The following ACAD10 variants were observed in gnomAD, a reference collection of about 807,000 sequenced individuals.
ACAD10 encodes the protein ACAD-10.
A neutral mutation model predicts 116.8 loss-of-function variants in ACAD10; 112 were observed. That is an observed-to-expected ratio of 0.96 (90% CI 0.82 to 1.12). The LOEUF is 1.12. ACAD10 is among the 50% of genes most tolerant of loss of function. The probability of loss-of-function intolerance (pLI) is 0.00; values close to 1 mark genes in which losing one functional copy is unlikely to be tolerated. For synonymous variants in ACAD10, 486 were observed against 510.6 expected (o/e 0.95, Z 0.65); for missense variants, 1,259 against 1,350.2 (o/e 0.93, Z 1.06).
chr12:111,727,334 C>T (rs1889243561), intron 8 of ACAD10, among the ~76,000 whole-genome samples: 2 of 152,108 alleles, frequency 1.3e-5, no homozygotes, highest in South Asian at 4.1e-4. Flanking sequence ...ACCATCCTGG[C>T]TAACACGGTG....
At position 111,744,754 on chromosome 12, in the gene ACAD10, C is replaced by T. The variant is rs747518634; in HGVS notation, c.1826C>T (p.Pro609Leu). ...GGGTTCCGGGTTTTCAAAGAGATGC[C>T]CTTCACAAATCCGTTAACAAGGTCC... ...KEGFRVFKEM[P>L]FTNPLTRSYH... is the part of the protein sequence containing the mutation. Residue 609 changes from proline to leucine, a missense_variant, in exon 13 of 21, where the codon CCC becomes CTC. By Grantham distance (98) the Pro-to-Leu change is moderately conservative. Coordinates refer to ENST00000313698, the MANE Select transcript of ACAD10 (RefSeq NM_025247.6). The T allele has an allele frequency of 1.9e-6, 3 of 1,614,184 alleles. No individual in the cohort carries two copies. In the South Asian group the frequency reaches 3.3e-5, roughly 18 times the overall value.
intron 12 of ACAD10, among the ~76,000 whole-genome samples, chr12:111,743,364 A>G (rs1053035149): frequency 1.6e-4 from 24 of 150,162 alleles, no homozygotes; most frequent in Non-Finnish European, 2.4e-4. Context: ...TGATGGAAAT[A>G]TTCTGTTTTT....
chr12:111,715,922 A>AC lies in ACAD10; in HGVS notation c.953dup (p.Leu319ThrfsTer27). ...AGTTCTGAGGAAGAAGCCCCCAGGGACACTCCTTCCATCTGCCCATGCCAT... is the reference window on the plus strand; with the variant it reads ...AGTTCTGAGGAAGAAGCCCCCAGGGACCACTCCTTCCATCTGCCCATGCCAT... On this transcript the variant is annotated frameshift_variant, in exon 7 of 21. Coordinates refer to ENST00000313698, the MANE Select transcript of ACAD10 (RefSeq NM_025247.6). LOFTEE classifies it high-confidence loss of function. 6.2e-7 allele frequency: 1 copy of AC among 1,614,052 alleles called. No individual in the cohort carries two copies. The highest frequency in any genetic ancestry group is 8.5e-7 in the Non-Finnish European group (1 of 1,179,976).
At position 111,749,221 on chromosome 12, in the gene ACAD10, A is replaced by G. The variant is rs138044386; in HGVS notation, c.2693A>G (p.Asn898Ser). Residue 898 changes from asparagine to serine, a missense_variant, in exon 18 of 21, where the codon AAC becomes AGC. Transcript: ENST00000313698. The part of the protein sequence containing the change: ...RFEHVRVPKE[N>S]MVLGPGRGFE... Reference sequence around the variant, plus strand: ...GAGCACGTGCGTGTGCCCAAAGAGAACATGGTCCTGGGCCCTGGCCGAGGC... The same window carrying G: ...GAGCACGTGCGTGTGCCCAAAGAGAGCATGGTCCTGGGCCCTGGCCGAGGC... 4.2e-5 allele frequency: 67 copies of G among 1,614,068 alleles called. 1 individual carries two copies. The African/African-American group carries it at 7.9e-4, about 19-fold the overall frequency.
rs1446292592 is a variant in ACAD10 at position 111,756,950 on chromosome 12, C to T, written c.*477C>T. 12 of 446,574 alleles carry T rather than the reference C, an allele frequency of 2.7e-5. No homozygotes were observed. The highest frequency in any genetic ancestry group is 1.5e-4 in the Admixed American group (6 of 40,742). 27.7% of individuals were successfully genotyped at this position (446,574 alleles called of 1,614,324 possible). ...GTGGCCTAGAGACCCAGGACCTGGG[C>T]GCCTGGGAAAATGGAATGCAACCCA... On this transcript the variant is annotated 3_prime_UTR_variant, in exon 21 of 21. Coordinates refer to ENST00000313698, the MANE Select transcript of ACAD10 (RefSeq NM_025247.6).
chr12:111,690,077 A>AG, intron 1 of ACAD10, among the ~76,000 whole-genome samples: 1 of 152,322 alleles, frequency 6.6e-6, no homozygotes, highest in South Asian at 2.1e-4. Context: ...ACAAATACAG[A>AG]GGGCTGACTA....
chr12:111,695,517 C>T (rs1476623392), intron 2 of ACAD10, among the ~76,000 whole-genome samples: 1 of 151,972 alleles, frequency 6.6e-6, no homozygotes, highest in Non-Finnish European at 1.5e-5. Context: ...CTATGGGGCT[C>T]TTGGATTCCA....
At chr12:111,723,314 G>C (rs1415972829) in intron 8 of ACAD10, among the ~76,000 whole-genome samples, 25 of 132,630 alleles carry the variant, frequency 1.9e-4, no homozygotes, top group African/African-American at 4.0e-4. Context: ...CTGGCCGGGC[G>C]GGGGGGCTGA....
intron 18 of ACAD10, among the ~76,000 whole-genome samples, chr12:111,751,140 T>C (rs1341694061): frequency 6.6e-6 from 1 of 152,182 alleles, no homozygotes; most frequent in East Asian, 1.9e-4. Flanking sequence ...AAAGATTTGC[T>C]ACAAGGAGGT....
chr12:111,706,767 T>C lies in ACAD10; in HGVS notation c.531+835T>C, dbSNP rs962600273. ...TGCCTGGCCTATTTATTTTTTTATA[T>C]ATATATATATATATATTTTTTTTTT... On this transcript the variant is annotated intron_variant, in intron 4 of 20. Transcript: ENST00000313698. Among the ~76,000 whole-genome samples, 12 of 120,940 alleles carry C rather than the reference T, an allele frequency of 9.9e-5. No homozygotes were observed. In the East Asian group the frequency reaches 7.8e-3, roughly 78 times the overall value. The allele number at this position is 120,940 out of a possible 152,430, so 79.3% of individuals were successfully genotyped here. A position where few individuals can be genotyped will look rare whatever the true frequency, so the allele number is the denominator to read the frequency against.
At chr12:111,742,242 G>T (rs1183808713) in intron 12 of ACAD10, among the ~76,000 whole-genome samples, 1 of 152,110 alleles carries the variant, frequency 6.6e-6, no homozygotes, top group East Asian at 1.9e-4. Context: ...AGAAAATTAA[G>T]AATACACCTC....
In ACAD10 at chr12:111,715,821, G is replaced by A. The variant is rs376407610; in HGVS notation, c.851G>A (p.Gly284Asp). 1.9e-6 allele frequency: 3 copies of A among 1,614,044 alleles called. No individual in the cohort carries two copies. Among genetic ancestry groups the A allele is most frequent in the Non-Finnish European group, 2.5e-6 (3 of 1,180,022 alleles). The change falls in exon 7 of 21, where the codon GGC becomes GAC. Residue 284 changes from glycine to aspartate, a missense_variant and splice_region_variant. By Grantham distance (94) the Gly-to-Asp change is moderately conservative. Coordinates refer to ENST00000313698, the MANE Select transcript of ACAD10 (RefSeq NM_025247.6). ...GTTTTCTTTGTTTTCAAACTTGCAG[G>A]CCCATTGGAACTACTTCAGTTTGAT... ...LKDLLGIQTT[G>D]PLELLQFDHG...
intron 12 of ACAD10, among the ~76,000 whole-genome samples, chr12:111,738,825 C>T (rs1356275615): frequency 1.3e-5 from 2 of 152,068 alleles, no homozygotes; most frequent in South Asian, 2.1e-4. Context: ...GAGCTGAGAT[C>T]GCGCCTGTGC....
intron 3 of ACAD10, among the ~76,000 whole-genome samples, chr12:111,703,781 T>C (rs560862807): frequency 4.0e-5 from 6 of 151,878 alleles, no homozygotes; most frequent in Non-Finnish European, 8.8e-5. Flanking sequence ...GAGGTTACAG[T>C]GAGCCAGGAT....
intron 7 of ACAD10, among the ~76,000 whole-genome samples, chr12:111,720,688 C>T (rs777632467): frequency 1.2e-4 from 18 of 152,058 alleles, no homozygotes; most frequent in Non-Finnish European, 1.9e-4. Flanking sequence ...ATATATTCAG[C>T]GCATATCTCT....
intron 1 of ACAD10, among the ~76,000 whole-genome samples, chr12:111,689,750 CTG>C (rs1491522339): frequency 2.0e-5 from 3 of 150,488 alleles, no homozygotes; most frequent in South Asian, 2.1e-4. Flanking sequence ...GAGTCTCACT[CTG>C]TTGCCCAGGC....
chr12:111,734,387 G>A (rs1028581732), intron 11 of ACAD10, among the ~76,000 whole-genome samples: 1 of 152,154 alleles, frequency 6.6e-6, no homozygotes, highest in Non-Finnish European at 1.5e-5. Context: ...CAGCACGTTG[G>A]GAGGCCAAGG....
At chr12:111,705,655 A>C in intron 3 of ACAD10, 83 bp from the exon 4 acceptor site, 1 of 1,323,050 alleles carries the variant, frequency 7.6e-7, no homozygotes, top group Non-Finnish European at 1.1e-6. Flanking sequence ...GACGCCAGGA[A>C]TAAGCATTTT....
intron 6 of ACAD10, 88 bp from the exon 7 acceptor site, chr12:111,715,733 A>C: frequency 6.4e-7 from 1 of 1,570,332 alleles, no homozygotes. Context: ...TTTGAAGCCC[A>C]AATGCAGAAC....
Sources: allele counts gnomAD v4.1 joint callset (sites outside exome capture counted in the v4.1 genomes callset), GRCh38; gene constraint gnomAD v4.1.1; transcripts MANE v1.5; gene names NCBI Gene and HGNC (gene_info 2026-07-23, HGNC 2026-07-21).